CSMD3: variants seen among roughly 807,000 people sequenced by gnomAD.
CSMD3 encodes the protein CUB and Sushi multiple domains 3, also known as CUB and sushi domain-containing protein 3.
CSMD3 carries 177 observed loss-of-function variants against 435.2 expected under a neutral mutation model. The ratio of observed to expected loss-of-function variants is 0.41; its 90% CI spans 0.36 to 0.46. The LOEUF (loss-of-function observed/expected upper bound fraction) is 0.46. Ranked by LOEUF, CSMD3 falls within the 20% of genes least tolerant of loss-of-function variation. The pLI, the probability that CSMD3 is intolerant of heterozygous loss-of-function variation, is 0.34. For missense variants in CSMD3, 4,265 were observed against 4,504.6 expected, an observed-to-expected ratio of 0.95 and a Z score of 1.52; for synonymous variants, 1,656 against 1,520.5, an observed-to-expected ratio of 1.09 and a Z score of -2.07.
At chr8:112,472,033 C>G (rs918554078) in intron 32 of CSMD3, among the ~76,000 whole-genome samples, 63 of 152,126 alleles carry the variant, frequency 4.1e-4, no homozygotes, top group African/African-American at 1.5e-3. Flanking sequence ...GACACATTGT[C>G]TTCTTAGTGC....
intron 23 of CSMD3, among the ~76,000 whole-genome samples, chr8:112,579,510 T>G (rs745497656): frequency 3.3e-5 from 5 of 152,068 alleles, no homozygotes; most frequent in Non-Finnish European, 7.4e-5. Context: ...AGTATTCCAA[T>G]AATTAGAAAA....
chr8:113,191,770 T>C (rs1230519271), intron 3 of CSMD3, among the ~76,000 whole-genome samples: 1 of 151,774 alleles, frequency 6.6e-6, no homozygotes, highest in African/African-American at 2.4e-5. Flanking sequence ...TTTGGGTATA[T>C]ACCCAGTAAT....
intron 17 of CSMD3, among the ~76,000 whole-genome samples, chr8:112,664,156 A>G (rs80313394): frequency 0.016 from 2,435 of 152,234 alleles, 61 homozygotes; most frequent in African/African-American, 0.055. Context: ...AGAAATACGA[A>G]AATTATGTAC....
chr8:113,334,322 T>C (rs368805265), intron 1 of CSMD3, among the ~76,000 whole-genome samples: 1 of 146,196 alleles, frequency 6.8e-6, no homozygotes, highest in South Asian at 2.3e-4. Flanking sequence ...ACCTGTTACA[T>C]ATTTCCTTGT....
At chr8:113,021,484 C>T (rs372473755) in intron 5 of CSMD3, among the ~76,000 whole-genome samples, 4 of 152,216 alleles carry the variant, frequency 2.6e-5, no homozygotes, top group African/African-American at 9.6e-5. Context: ...ACAGGCTGCA[C>T]ACATTTCCAG....
intron 4 of CSMD3, 112 bp from the exon 5 acceptor site, chr8:113,099,075 T>C (rs2131548773): frequency 2.7e-6 from 2 of 734,698 alleles, no homozygotes; most frequent in East Asian, 2.7e-5. Flanking sequence ...TCAAATGTGA[T>C]ACCAAGTGCA....
At chr8:112,477,747 C>T (rs753182799) in intron 31 of CSMD3, among the ~76,000 whole-genome samples, 10 of 152,142 alleles carry the variant, frequency 6.6e-5, no homozygotes, top group Non-Finnish European at 1.2e-4. Context: ...TGAAAATCCA[C>T]GAGCCAATTA....
intron 9 of CSMD3, among the ~76,000 whole-genome samples, chr8:112,932,902 T>C (rs909653261): frequency 6.6e-6 from 1 of 152,194 alleles, no homozygotes; most frequent in Non-Finnish European, 1.5e-5. Context: ...AATACCCTGA[T>C]TTGATCATTA....
chr8:112,778,116 C>A (rs1362780508), intron 13 of CSMD3, among the ~76,000 whole-genome samples: 1 of 151,810 alleles, frequency 6.6e-6, no homozygotes, highest in African/African-American at 2.4e-5. Context: ...ACAGAGTTTT[C>A]ATATACTCCC....
chr8:112,976,558 C>G (rs2084856511), intron 6 of CSMD3, among the ~76,000 whole-genome samples: 1 of 152,002 alleles, frequency 6.6e-6, no homozygotes, highest in South Asian at 2.1e-4. Flanking sequence ...TCTGCCATAT[C>G]TCTTCACAGT....
At chr8:113,019,890 G>C (rs1041705757) in intron 5 of CSMD3, among the ~76,000 whole-genome samples, 15 of 151,916 alleles carry the variant, frequency 9.9e-5, no homozygotes, top group African/African-American at 3.4e-4. Flanking sequence ...CTGGCCGGGC[G>C]CGGTGGCTCA....
At position 113,039,342 on chromosome 8, in the gene CSMD3, G is replaced by C. The variant is rs117780411; in HGVS notation, c.918-20163C>G. ...TTAAATGCTATATAACCTACTTTCA[G>C]ATAAACAATGTTGAACAGGAAGACC... is the stretch of plus-strand genomic sequence containing the variant. On this transcript the variant is annotated intron_variant, in intron 5 of 70. Transcript: ENST00000297405. 2.9e-3 allele frequency among the ~76,000 whole-genome samples: 437 copies of C among 152,086 alleles called. 2 individuals are homozygous for C. Among genetic ancestry groups the C allele is most frequent in the Non-Finnish European group, 4.8e-3 (326 of 67,960 alleles).
At position 112,893,965 on chromosome 8, in the gene CSMD3, AC is replaced by A. The variant is rs201061031; in HGVS notation, c.1633+27661del. Among the ~76,000 whole-genome samples, 29 of 109,882 alleles carry A rather than the reference AC, an allele frequency of 2.6e-4. No individual in the cohort carries two copies. In the East Asian group the frequency reaches 6.4e-3, roughly 24 times the overall value. 72.1% of individuals were successfully genotyped at this position (109,882 alleles called of 152,430 possible). On this transcript the variant is annotated intron_variant, in intron 10 of 70. Transcript: ENST00000297405. Reference sequence around the variant, plus strand: ...AGGAGCAGAAATGGGCTACAAAGGCACTGTGTTGTAACTTGATAAAATAAAT... The same window carrying A: ...AGGAGCAGAAATGGGCTACAAAGGCATGTGTTGTAACTTGATAAAATAAAT...
At chr8:113,414,595 T>TTA (rs2094573578) in intron 1 of CSMD3, among the ~76,000 whole-genome samples, 1 of 150,574 alleles carries the variant, frequency 6.6e-6, no homozygotes, top group Non-Finnish European at 1.5e-5. Flanking sequence ...TTTGAACATA[T>TTA]TATATTTTTT....
At chr8:112,392,137 T>C (rs1032163278) in intron 35 of CSMD3, among the ~76,000 whole-genome samples, 7 of 152,252 alleles carry the variant, frequency 4.6e-5, no homozygotes, top group Admixed American at 3.9e-4. Flanking sequence ...ATATTTCCTT[T>C]TGCTACAAAT....
chr8:112,647,925 T>C (rs2075027054), intron 19 of CSMD3, among the ~76,000 whole-genome samples: 2 of 152,216 alleles, frequency 1.3e-5, no homozygotes, highest in South Asian at 2.1e-4. Context: ...AAGGCACCTG[T>C]AGCAGTATCA....
intron 32 of CSMD3, among the ~76,000 whole-genome samples, chr8:112,466,529 A>G (rs919506911): frequency 2.0e-5 from 3 of 152,212 alleles, no homozygotes; most frequent in African/African-American, 7.2e-5. Flanking sequence ...ATAATTCATT[A>G]ATACATATCC....
chr8:112,299,154 T>C (rs962188639), intron 53 of CSMD3, among the ~76,000 whole-genome samples: 1 of 152,068 alleles, frequency 6.6e-6, no homozygotes, highest in African/African-American at 2.4e-5. Context: ...GAAATGAATA[T>C]ATGGTGAAAA....
At chr8:113,205,714 T>G (rs1470587030) in intron 3 of CSMD3, among the ~76,000 whole-genome samples, 1 of 152,148 alleles carries the variant, frequency 6.6e-6, no homozygotes, top group Non-Finnish European at 1.5e-5. Context: ...GAAAAAAATG[T>G]CATTTTTATT....
Sources: gnomAD v4.1 joint callset for allele counts (sites outside exome capture counted in the v4.1 genomes callset) on GRCh38, gnomAD v4.1.1 for gene constraint, MANE v1.5 for transcripts, NCBI Gene and HGNC (gene_info 2026-07-23, HGNC 2026-07-21) for gene names.